The following RIOK2 variants were observed in gnomAD, a reference collection of about 807,000 sequenced individuals.
The protein encoded by RIOK2 is serine/threonine-protein kinase RIO2.
In RIOK2, 46 loss-of-function variants were observed where a neutral mutation model predicts 62.4. The observed-to-expected ratio is 0.74, with a 90% CI of 0.58 to 0.94. The LOEUF (loss-of-function observed/expected upper bound fraction) is 0.94. RIOK2 is among the 40% of genes least tolerant of loss of function. The pLI is 0.00. For synonymous variants in RIOK2, 197 were observed against 216.0 expected, an observed-to-expected ratio of 0.91 and a Z score of 0.77; for missense variants, 574 against 658.0, an observed-to-expected ratio of 0.87 and a Z score of 1.40.
chr5:97,173,042 T>C, intron 5 of RIOK2, 133 bp downstream of exon 5: 2 of 592,726 alleles, frequency 3.4e-6, no homozygotes, highest in Non-Finnish European at 5.8e-6. Flanking sequence ...AATTTGTCTT[T>C]GAGTCTATTC....
At position 97,183,120 on chromosome 5, in the gene RIOK2, T is replaced by C. The variant is rs1749470615; in HGVS notation, c.66+6A>G. ...GAAGGGAGAACAGGAACGGCGGGTT[T>C]CTTACCGCGGTCAAGACCCTGAAGT... On this transcript the variant is annotated splice_donor_region_variant and intron_variant, in intron 1 of 9. Transcript: ENST00000283109. 6.2e-7 allele frequency: 1 copy of C among 1,613,908 alleles called. No homozygotes were observed. Among genetic ancestry groups the C allele is most frequent in the Admixed American group, 1.7e-5 (1 of 59,996 alleles).
chr5:97,179,292 G>T (rs561206485), intron 1 of RIOK2, 99 bp from the exon 2 acceptor site: 3 of 1,073,070 alleles, frequency 2.8e-6, no homozygotes, highest in African/African-American at 3.2e-5. Flanking sequence ...TCCTGACTAT[G>T]CAGTTCTCCA....
Position 97,183,242 on chromosome 5 carries a change from T to A in RIOK2, c.-51A>T, listed in dbSNP as rs749998920. 1.2e-5 allele frequency: 19 copies of A among 1,593,074 alleles called. No homozygotes were observed. Among genetic ancestry groups the A allele is most frequent in the Non-Finnish European group, 1.5e-5 (18 of 1,166,630 alleles). On this transcript the variant is annotated 5_prime_UTR_variant, in exon 1 of 10. Transcript: ENST00000283109. ...CCTCTCCGACGACAGCCGCAAAGCGTAAGGCAGGTCGTTATTCCAGCCTCT... is the reference window on the plus strand; with the variant it reads ...CCTCTCCGACGACAGCCGCAAAGCGAAAGGCAGGTCGTTATTCCAGCCTCT...
In RIOK2 at chr5:97,167,561, G is replaced by T; in HGVS notation, c.1303C>A (p.Gln435Lys). The T allele has an allele frequency of 6.2e-7, 1 of 1,614,174 alleles. No homozygotes were observed. Among genetic ancestry groups the T allele is most frequent in the Non-Finnish European group, 8.5e-7 (1 of 1,180,010 alleles). The change falls in exon 8 of 10, where the codon CAA becomes AAA. Residue 435 changes from glutamine (Q) to lysine (K), a missense_variant. Gln to Lys is a moderately conservative substitution (Grantham distance 53, BLOSUM62 1). Coordinates refer to ENST00000283109, the MANE Select transcript of RIOK2 (RefSeq NM_018343.3). ...NYNRQDGQRV[Q>K]GGVPAGSDEY... Reference sequence around the variant, plus strand: ...TCAGAGCCAGCAGGGACTCCTCCTTGAACTCTCTGACCATCTTGCCTGTTG... The same window carrying T: ...TCAGAGCCAGCAGGGACTCCTCCTTTAACTCTCTGACCATCTTGCCTGTTG...
At chr5:97,171,106 A>C in intron 6 of RIOK2, 100 bp downstream of exon 6, 2 of 774,342 alleles carry the variant, frequency 2.6e-6, no homozygotes, top group Admixed American at 8.1e-5. Flanking sequence ...AGTTGCAGTG[A>C]GCCGAGATCG....
In RIOK2 at chr5:97,166,706, ATAGAAGG is replaced by A. The variant is rs950624473; in HGVS notation, c.1397+754_1397+760del. 425 of 900,180 alleles carry A rather than the reference ATAGAAGG, an allele frequency of 4.7e-4. 2 individuals carry two copies. In the African/African-American group the frequency reaches 7.3e-3, roughly 15 times the overall value. The allele number at this position is 900,180 out of a possible 1,614,324, so 55.8% of individuals were successfully genotyped here. On this transcript the variant is annotated intron_variant, in intron 8 of 9. Coordinates refer to ENST00000283109, the MANE Select transcript of RIOK2 (RefSeq NM_018343.3). ...AATTTTAACTACACATGAACAAAGG[ATAGAAGG>A]CTCAAGGTACTAGAGAAAATTCACT...
chr5:97,179,916 A>T (rs1350693876), intron 1 of RIOK2, among the ~76,000 whole-genome samples: 4 of 128,492 alleles, frequency 3.1e-5, no homozygotes, highest in Non-Finnish European at 6.4e-5. Context: ...ATACCTATGT[A>T]ACAAACCTGC....
chr5:97,180,017 AT>A lies in RIOK2; in HGVS notation c.67-825del, dbSNP rs1749320487. ...AATATATATATATTATATATATATA[AT>A]ATATATATAATATATATATTATATA... On this transcript the variant is annotated intron_variant, in intron 1 of 9. Coordinates refer to ENST00000283109, the MANE Select transcript of RIOK2 (RefSeq NM_018343.3). 6.4e-5 allele frequency among the ~76,000 whole-genome samples: 3 copies of A among 46,570 alleles called. 1 individual carries two copies. The highest frequency in any genetic ancestry group is 1.3e-4 in the Non-Finnish European group (3 of 23,108). The allele number at this position is 46,570 out of a possible 152,430, so 30.6% of individuals were successfully genotyped here.
chr5:97,175,253 C>T (rs1203065904), intron 4 of RIOK2, among the ~76,000 whole-genome samples: 2 of 152,122 alleles, frequency 1.3e-5, no homozygotes, highest in Admixed American at 1.3e-4. Flanking sequence ...TCCCACTTCC[C>T]AGATATTTTT....
intron 9 of RIOK2, among the ~76,000 whole-genome samples, chr5:97,163,538 T>TAAAA (rs1166983921): frequency 6.6e-6 from 1 of 152,196 alleles, no homozygotes; most frequent in Non-Finnish European, 1.5e-5. Flanking sequence ...AGTAGGCTTT[T>TAAAA]AGAGTAGATT....
intron 7 of RIOK2, among the ~76,000 whole-genome samples, chr5:97,168,356 G>A (rs1748903575): frequency 1.3e-5 from 2 of 152,144 alleles, no homozygotes; most frequent in African/African-American, 4.8e-5. Context: ...AAATAAATAT[G>A]AGAAAACTGA....
intron 9 of RIOK2, 52 bp from the exon 10 acceptor site, chr5:97,163,277 T>A: frequency 7.0e-7 from 1 of 1,424,046 alleles, no homozygotes; most frequent in Non-Finnish European, 9.9e-7. Context: ...TTTCAAAAAG[T>A]ACACTGCTAA....
intron 7 of RIOK2, among the ~76,000 whole-genome samples, chr5:97,168,522 G>C (rs1216059797): frequency 2.0e-5 from 3 of 152,118 alleles, no homozygotes; most frequent in Non-Finnish European, 4.4e-5. Flanking sequence ...AAAAGTTCTT[G>C]AATTTATAAG....
intron 1 of RIOK2, among the ~76,000 whole-genome samples, chr5:97,180,541 C>T (rs1273724455): frequency 6.6e-6 from 1 of 151,974 alleles, no homozygotes; most frequent in Non-Finnish European, 1.5e-5. Context: ...AAAATGTAGA[C>T]CAAATACTTT....
chr5:97,179,733 T>C (rs538999346), intron 1 of RIOK2, among the ~76,000 whole-genome samples: 1 of 145,902 alleles, frequency 6.9e-6, no homozygotes, highest in Non-Finnish European at 1.5e-5. Flanking sequence ...AACACCACAT[T>C]TTCTCACTCA....
At chr5:97,167,077 C>T (rs972268368) in intron 8 of RIOK2, 6 of 494,536 alleles carry the variant, frequency 1.2e-5, no homozygotes, top group Admixed American at 5.5e-5. Context: ...CCACCATGCC[C>T]GGTTAATTTT....
Position 97,161,960 on chromosome 5 carries a change from T to C in RIOK2, c.*1101A>G, listed in dbSNP as rs1289697478. On this transcript the variant is annotated 3_prime_UTR_variant, in exon 10 of 10. Coordinates refer to ENST00000283109, the MANE Select transcript of RIOK2 (RefSeq NM_018343.3). The stretch of plus-strand genomic sequence containing the variant: ...AGGAATTGGCATTTTCTAGCTTCTA[T>C]ATATTTAAGCCAATTTATTAGATAA... The C allele has an allele frequency of 1.3e-5, 2 of 150,902 alleles. No homozygotes were observed. Among genetic ancestry groups the C allele is most frequent in the Non-Finnish European group, 2.9e-5 (2 of 67,974 alleles). The allele number at this position is 150,902 out of a possible 1,614,324, so 9.3% of individuals were successfully genotyped here.
At position 97,161,328 on chromosome 5, in the gene RIOK2, A is replaced by C. The variant is rs1199359591; in HGVS notation, c.*1733T>G. The C allele has an allele frequency of 6.6e-6, 1 of 152,232 alleles. No individual in the cohort carries two copies. The highest frequency in any genetic ancestry group is 1.5e-5 in the Non-Finnish European group (1 of 68,032). The allele number at this position is 152,232 out of a possible 1,614,324, so 9.4% of individuals were successfully genotyped here. On this transcript the variant is annotated 3_prime_UTR_variant, in exon 10 of 10. Transcript: ENST00000283109. The stretch of plus-strand genomic sequence containing the variant: ...TTGAATTTGTTTTTGTTCATTGTTC[A>C]CTATGCATGTTTTAAAATGTGAGGG...
rs777195544 is a variant in RIOK2, at chr5:97,167,881, G to A, written c.983C>T (p.Thr328Ile). 23 of 1,613,462 alleles carry A rather than the reference G, an allele frequency of 1.4e-5. No individual in the cohort carries two copies. The South Asian group carries it at 2.3e-4, about 16-fold the overall frequency. ...PLGPDDKNIE[T>I]KEGSEFSFSD... ...AAATGAGAATTCAGATCCCTCTTTT[G>A]TTTCAATATTTTTATCATCTGGACC... The change falls in exon 8 of 10, where the codon ACA becomes ATA. Residue 328 changes from threonine (T) to isoleucine (I), a missense_variant. Physicochemically the swap from Thr to Ile is moderately conservative, Grantham distance 89 (BLOSUM62 -1). Transcript: ENST00000283109.
Sources: gnomAD v4.1 joint callset for allele counts (sites outside exome capture counted in the v4.1 genomes callset) on GRCh38, gnomAD v4.1.1 for gene constraint, MANE v1.5 for transcripts, NCBI Gene and HGNC (gene_info 2026-07-23, HGNC 2026-07-21) for gene names.